CHD2: variants seen among roughly 807,000 people sequenced by gnomAD.
CHD2 encodes chromodomain helicase DNA binding protein 2, also known as ATP-dependent chromatin remodeler CHD2.
Under a neutral mutation model 243.9 loss-of-function variants are expected in CHD2, and 28 were observed. The ratio of observed to expected loss-of-function variants is 0.11; its 90% CI spans 0.09 to 0.16. The LOEUF (loss-of-function observed/expected upper bound fraction) is 0.16. Among genes scored for constraint, CHD2 ranks in the 10% least tolerant of loss-of-function variants. The probability of loss-of-function intolerance (pLI) is 1.00; values close to 1 mark genes in which losing one functional copy is unlikely to be tolerated. For missense variants in CHD2, 1,386 were observed against 2,209.8 expected, an observed-to-expected ratio of 0.63 and a Z score of 7.47; for synonymous variants, 775 against 779.0, an observed-to-expected ratio of 0.99 and a Z score of 0.09.
chr15:92,942,409 T>C (rs1303995727), intron 8 of CHD2, among the ~76,000 whole-genome samples: 1 of 151,958 alleles, frequency 6.6e-6, no homozygotes, highest in Non-Finnish European at 1.5e-5. Context: ...TTTTGGCTTT[T>C]TTTTTTTTTT....
At chr15:92,929,136 C>G (rs368056812) in intron 5 of CHD2, 45 bp downstream of exon 5, 7 of 1,548,916 alleles carry the variant, frequency 4.5e-6, no homozygotes, top group African/African-American at 1.4e-5. Flanking sequence ...TAGTTTCAAA[C>G]TTGTCAGCAT....
At position 92,930,326 on chromosome 15, in the gene CHD2, C is replaced by T. The variant is rs1456090341; in HGVS notation, c.443+1235C>T. Reference sequence around the variant, plus strand: ...GGTGCTATGCTTGAATTCTTGACTTCCTATTTTAATGGCCTTATTTGTGTG... The same window carrying T: ...GGTGCTATGCTTGAATTCTTGACTTTCTATTTTAATGGCCTTATTTGTGTG... On this transcript the variant is annotated intron_variant, in intron 5 of 38. Transcript: ENST00000394196. Among the ~76,000 whole-genome samples, 5 of 152,290 alleles carry T rather than the reference C, an allele frequency of 3.3e-5. No homozygotes were observed. The South Asian group carries it at 8.3e-4, about 25-fold the overall frequency.
intron 17 of CHD2, among the ~76,000 whole-genome samples, chr15:92,969,534 G>A (rs2141833254): frequency 6.6e-6 from 1 of 152,316 alleles, no homozygotes; most frequent in African/African-American, 2.4e-5. Context: ...ATGGTTTATG[G>A]ACTATGGCAA....
Position 92,984,371 on chromosome 15 carries a change from A to G in CHD2, c.3108A>G (p.Glu1036=). The G allele has an allele frequency of 1.2e-6, 2 of 1,604,764 alleles. No individual in the cohort carries two copies. The highest frequency in any genetic ancestry group is 1.7e-6 in the Non-Finnish European group (2 of 1,175,438). The change falls in exon 25 of 39, where the codon GAA becomes GAG. Residue 1036 remains glutamate, a synonymous_variant. Transcript: ENST00000394196. The part of the protein sequence containing the change: ...FATMEDEEEL[E]ERPHKDWDEI... ...CAATGGAAGATGAAGAAGAGCTAGA[A>G]GAGCGTCCTCACAAGGACTGGGATG...
chr15:92,925,118 G>A (rs1267814524), intron 3 of CHD2, among the ~76,000 whole-genome samples: 1 of 152,114 alleles, frequency 6.6e-6, no homozygotes, highest in African/African-American at 2.4e-5. Context: ...TATTTTTAAG[G>A]TTAAAGTGAG....
chr15:92,933,565 T>C (rs2053214289), intron 5 of CHD2, among the ~76,000 whole-genome samples: 1 of 152,180 alleles, frequency 6.6e-6, no homozygotes, highest in African/African-American at 2.4e-5. Context: ...TTGCGCAGTG[T>C]TGTATAAGAT....
At chr15:93,005,811 A>G (rs2054313040) in intron 34 of CHD2, among the ~76,000 whole-genome samples, 1 of 152,238 alleles carries the variant, frequency 6.6e-6, no homozygotes, top group Non-Finnish European at 1.5e-5. Context: ...GAATAAATGA[A>G]TAAACTAATT....
intron 25 of CHD2, among the ~76,000 whole-genome samples, chr15:92,984,993 C>T (rs888018012): frequency 6.6e-6 from 1 of 152,176 alleles, no homozygotes; most frequent in African/African-American, 2.4e-5. Flanking sequence ...ATAGGTAGAA[C>T]AAGTTTTTTT....
intron 28 of CHD2, 32 bp from the exon 29 acceptor site, chr15:92,996,925 C>T (rs2054196234): frequency 1.3e-5 from 21 of 1,585,950 alleles, no homozygotes; most frequent in Non-Finnish European, 1.8e-5. Context: ...TGCAGATTTT[C>T]ATTTAACTAA....
intron 5 of CHD2, among the ~76,000 whole-genome samples, chr15:92,935,569 G>T (rs1327086720): frequency 6.2e-4 from 95 of 152,292 alleles, no homozygotes; most frequent in Admixed American, 1.3e-3. Context: ...AGGACTAGCT[G>T]TTCATATTCC....
rs751543942 is a variant in CHD2 at position 92,974,866 on chromosome 15, T to C, written c.2506-13T>C. On this transcript the variant is annotated splice_polypyrimidine_tract_variant and intron_variant, in intron 19 of 38. Transcript: ENST00000394196. ...TTCCTATCTTACAGTTTTCTTGTGG[T>C]TTATTTTTACAGCGTCTGGATGGTT... The C allele has an allele frequency of 1.7e-5, 28 of 1,612,948 alleles. No individual in the cohort carries two copies. Among genetic ancestry groups the C allele is most frequent in the Non-Finnish European group, 2.4e-5 (28 of 1,179,148 alleles).
Position 92,957,048 on chromosome 15 carries a change from GTAT to G in CHD2, c.2000+405_2000+407del, listed in dbSNP as rs1346879008. Among the ~76,000 whole-genome samples, 3 of 152,130 alleles carry G rather than the reference GTAT, an allele frequency of 2.0e-5. No homozygotes were observed. In the East Asian group the frequency reaches 5.8e-4, roughly 29 times the overall value. On this transcript the variant is annotated intron_variant, in intron 16 of 38. Transcript: ENST00000394196. ...AGCATCAATTTTACATCTTATTCAC[GTAT>G]TATTAAAGAACTATGGAATGTGTTT...
At chr15:93,008,935 A>G (rs1423851664) in intron 34 of CHD2, among the ~76,000 whole-genome samples, 1 of 152,194 alleles carries the variant, frequency 6.6e-6, no homozygotes, top group African/African-American at 2.4e-5. Flanking sequence ...GGGTTATCAC[A>G]TAACTCTAAG....
At position 92,997,233 on chromosome 15, in the gene CHD2, TG is replaced by T; in HGVS notation, c.3735-19del. The T allele has an allele frequency of 3.7e-6, 6 of 1,613,992 alleles. No individual in the cohort carries two copies. Among genetic ancestry groups the T allele is most frequent in the Non-Finnish European group, 5.1e-6 (6 of 1,179,970 alleles). The stretch of plus-strand genomic sequence containing the variant: ...AAAGGCCCCTCTTCTAATGTCTTCC[TG>T]TTTTTAAACTTTCTTTAGATACTGC... On this transcript the variant is annotated intron_variant, in intron 29 of 38. Transcript: ENST00000394196. This position sits in a 1 kb window ranked among gnomAD's most constrained non-coding sequence, Gnocchi z 4.1.
intron 10 of CHD2, chr15:92,944,726 T>C: frequency 3.4e-6 from 1 of 294,596 alleles, no homozygotes; most frequent in Non-Finnish European, 6.4e-6. Flanking sequence ...ATTTGTGGCC[T>C]AAACATGTAG....
chr15:93,020,579 T>C, intron 38 of CHD2: 1 of 531,280 alleles, frequency 1.9e-6, no homozygotes, highest in Non-Finnish European at 3.3e-6. Context: ...ACACTAGGTA[T>C]CAGGGATCCC....
At chr15:92,979,457 C>T (rs2053949463) in intron 22 of CHD2, among the ~76,000 whole-genome samples, 174 bp downstream of exon 22, 1 of 152,024 alleles carries the variant, frequency 6.6e-6, no homozygotes, top group Non-Finnish European at 1.5e-5. Flanking sequence ...CCTTTTTTTG[C>T]CCATCACCCC....
At position 92,998,659 on chromosome 15, in the gene CHD2, G is replaced by A. The variant is rs2054213630; in HGVS notation, c.4008+38G>A. ...CCAGCTGGTTGTTTTTCAGGGGCCT[G>A]AGGCTCCTACCCTGCAGAATTAGGT... is the stretch of plus-strand genomic sequence containing the variant. On this transcript the variant is annotated intron_variant, in intron 31 of 38. Coordinates refer to ENST00000394196, the MANE Select transcript of CHD2 (RefSeq NM_001271.4). This position sits in a 1 kb window ranked among gnomAD's most constrained non-coding sequence, Gnocchi z 5.1. 6.2e-7 allele frequency: 1 copy of A among 1,605,182 alleles called. No individual in the cohort carries two copies. Among genetic ancestry groups the A allele is most frequent in the East Asian group, 2.2e-5 (1 of 44,698 alleles).
intron 5 of CHD2, among the ~76,000 whole-genome samples, chr15:92,932,295 T>A (rs2053183760): frequency 6.6e-6 from 1 of 152,034 alleles, no homozygotes; most frequent in South Asian, 2.1e-4. Context: ...ACATCTTTTT[T>A]TTTTTTTTTA....
Sources: gnomAD v4.1 joint callset for allele counts (sites outside exome capture counted in the v4.1 genomes callset) on GRCh38, gnomAD v4.1.1 for gene constraint, Gnocchi (gnomAD v3.1) non-coding constraint, MANE v1.5 for transcripts, NCBI Gene and HGNC (gene_info 2026-07-23, HGNC 2026-07-21) for gene names.